Variants in CCDC30 observed in about 807,000 individuals in gnomAD.
CCDC30 encodes the protein coiled-coil domain containing 30.
CCDC30 carries 70 observed loss-of-function variants against 100.2 expected under a neutral mutation model. The observed-to-expected ratio is 0.70, with a 90% CI of 0.58 to 0.85. The LOEUF is 0.85. CCDC30 is among the 40% of genes least tolerant of loss of function. The pLI is 0.00. For synonymous variants in CCDC30, 233 were observed against 269.5 expected (o/e 0.86, Z 1.33); for missense variants, 652 against 771.2 (o/e 0.85, Z 1.83).
intron 12 of CCDC30, among the ~76,000 whole-genome samples, chr1:42,639,818 G>A (rs900365244): frequency 6.6e-6 from 1 of 151,928 alleles, no homozygotes; most frequent in African/African-American, 2.4e-5. Flanking sequence ...TCTCTTAGAA[G>A]GGCCAGGTGT....
At chr1:42,480,019 G>A (rs12402795) in intron 1 of CCDC30, among the ~76,000 whole-genome samples, 20,484 of 152,112 alleles carry the variant, frequency 0.13, 1,525 homozygotes, top group East Asian at 0.18. Flanking sequence ...GGTGCGAGCC[G>A]AGTAACTGAT....
At chr1:42,577,341 AT>A (rs1252879818) in intron 8 of CCDC30, 112 bp downstream of exon 12, 5 of 736,274 alleles carry the variant, frequency 6.8e-6, no homozygotes, top group Non-Finnish European at 1.1e-5. Context: ...GAATTCTAAG[AT>A]TTTTTTTCTC....
At chr1:42,610,605 T>G (rs1353399029) in intron 10 of CCDC30, among the ~76,000 whole-genome samples, 2 of 152,090 alleles carry the variant, frequency 1.3e-5, no homozygotes, top group African/African-American at 2.4e-5. Context: ...TATATTTTTT[T>G]GTAGATATGG....
chr1:42,561,252 T>C (rs1235900656), intron 6 of CCDC30, among the ~76,000 whole-genome samples: 3 of 152,170 alleles, frequency 2.0e-5, no homozygotes, highest in Non-Finnish European at 4.4e-5. Flanking sequence ...AAAAAACTTA[T>C]CCACCACAAT....
intron 6 of CCDC30, among the ~76,000 whole-genome samples, chr1:42,559,500 T>C (rs1417085505): frequency 2.0e-5 from 3 of 152,078 alleles, no homozygotes; most frequent in Non-Finnish European, 4.4e-5. Flanking sequence ...AATCCTAGTC[T>C]CTGACAAAAC....
intron 6 of CCDC30, 121 bp downstream of exon 10, chr1:42,556,526 G>A (rs1645374583): frequency 9.6e-7 from 1 of 1,046,726 alleles, no homozygotes; most frequent in Non-Finnish European, 1.3e-6. Flanking sequence ...TAGGTACATA[G>A]TAGATGTGTG....
chr1:42,510,771 G>A (rs115454003), intron 6 of CCDC30, among the ~76,000 whole-genome samples: 1 of 151,990 alleles, frequency 6.6e-6, no homozygotes, highest in Non-Finnish European at 1.5e-5. Context: ...ACTTGAGGGG[G>A]GCCCCAAATA....
intron 6 of CCDC30, among the ~76,000 whole-genome samples, chr1:42,499,612 A>G (rs1644277819): frequency 6.6e-6 from 1 of 152,068 alleles, no homozygotes; most frequent in African/African-American, 2.4e-5. Flanking sequence ...AGTAGCTGGG[A>G]CTATAGGCAT....
the CCDC30 span, chr1:42,457,312 C>T: frequency 3.1e-6 from 5 of 1,614,058 alleles, no homozygotes; most frequent in African/African-American, 5.3e-5. Context: ...CTCTGAAATG[C>T]CTGAACACAA....
At chr1:42,483,054 C>A in intron 3 of CCDC30, 1 of 313,880 alleles carries the variant, frequency 3.2e-6, no homozygotes. Flanking sequence ...AATTCCCAGC[C>A]TCTCAGAAGT....
intron 9 of CCDC30, among the ~76,000 whole-genome samples, chr1:42,584,582 G>T (rs1646031680): frequency 6.7e-6 from 1 of 149,008 alleles, no homozygotes; most frequent in Non-Finnish European, 1.5e-5. Context: ...AACAGGGCAG[G>T]CTAAACAGGC....
chr1:42,579,276 C>T (rs955374185), intron 8 of CCDC30, among the ~76,000 whole-genome samples: 4 of 151,690 alleles, frequency 2.6e-5, no homozygotes, highest in Admixed American at 6.6e-5. Context: ...AGGCGTGAGC[C>T]GCCCTGGCTG....
Position 42,500,271 on chromosome 1 carries a change from C to A in CCDC30, c.456+1355C>A, listed in dbSNP as rs1351172864. The A allele has an allele frequency of 1.1e-5, 17 of 1,610,416 alleles. No individual in the cohort carries two copies. The African/African-American group carries it at 2.0e-4, about 19-fold the overall frequency. On this transcript the variant is annotated intron_variant, in intron 6 of 16. Transcript: ENST00000668663. ...TGGAAGGCAGTGGATTTTTCTCTTG[C>A]GTCTCTGTCTTCTTCAGTTTCGACT...
chr1:42,540,162 G>A (rs565620256), intron 6 of CCDC30, among the ~76,000 whole-genome samples: 1 of 152,164 alleles, frequency 6.6e-6, no homozygotes, highest in Non-Finnish European at 1.5e-5. Flanking sequence ...TATGTAAGGT[G>A]AGTAACTAAA....
At chr1:42,580,976 C>T in intron 8 of CCDC30, 1 of 409,920 alleles carries the variant, frequency 2.4e-6, no homozygotes. Flanking sequence ...GTAGCTGGGA[C>T]TACAGGTACT....
At chr1:42,573,469 A>G (rs1399500762) in intron 7 of CCDC30, among the ~76,000 whole-genome samples, 1 of 152,060 alleles carries the variant, frequency 6.6e-6, no homozygotes, top group Non-Finnish European at 1.5e-5. Flanking sequence ...ACTTTCCCAT[A>G]CTTTTTTATT....
intron 1 of CCDC30, among the ~76,000 whole-genome samples, chr1:42,477,383 C>G (rs1557792960): frequency 6.6e-6 from 1 of 152,064 alleles, no homozygotes; most frequent in South Asian, 2.1e-4. Context: ...ATGCACGCCA[C>G]CATGCCTGGC....
chr1:42,539,183 A>T, intron 6 of CCDC30: 1 of 1,582,424 alleles, frequency 6.3e-7, no homozygotes, highest in Non-Finnish European at 8.6e-7. Flanking sequence ...GAATTGCAAA[A>T]ATCAAAGTCA....
intron 7 of CCDC30, among the ~76,000 whole-genome samples, chr1:42,572,925 G>A (rs534323119): frequency 6.6e-6 from 1 of 152,168 alleles, no homozygotes; most frequent in South Asian, 2.1e-4. Flanking sequence ...GCCTATTGTG[G>A]CATATTTCTG....
Sources: allele counts gnomAD v4.1 joint callset (sites outside exome capture counted in the v4.1 genomes callset), GRCh38; gene constraint gnomAD v4.1.1; transcripts MANE v1.5; gene names NCBI Gene and HGNC (gene_info 2026-07-23, HGNC 2026-07-21).